FNDC3A: variants seen among roughly 807,000 people sequenced by gnomAD.
FNDC3A encodes fibronectin type III domain containing 3A, also known as fibronectin type-III domain-containing protein 3A.
FNDC3A carries 32 observed loss-of-function variants against 148.9 expected under a neutral mutation model. That is an observed-to-expected ratio of 0.21 (90% CI 0.16 to 0.29). The LOEUF (loss-of-function observed/expected upper bound fraction) is 0.29, where lower values mean the gene tolerates loss of function less well. Among genes scored for constraint, FNDC3A ranks in the 10% least tolerant of loss-of-function variants. FNDC3A has a pLI of 1.00. For synonymous variants in FNDC3A, 472 were observed against 473.6 expected, an observed-to-expected ratio of 1.00 and a Z score of 0.04; for missense variants, 1,191 against 1,452.8, an observed-to-expected ratio of 0.82 and a Z score of 2.93.
chr13:49,150,812 G>A (rs1883244669), intron 8 of FNDC3A, among the ~76,000 whole-genome samples: 1 of 151,774 alleles, frequency 6.6e-6, no homozygotes, highest in African/African-American at 2.4e-5. Flanking sequence ...AGGTGTGGTG[G>A]TGCACGCCTG....
intron 5 of FNDC3A, among the ~76,000 whole-genome samples, chr13:49,134,887 C>T (rs1227961567): frequency 2.8e-5 from 3 of 105,956 alleles, no homozygotes; most frequent in East Asian, 3.3e-4. Context: ...CTCGCTCTGT[C>T]GCCCAGGCTG....
chr13:49,117,157 A>G (rs1881023192), intron 4 of FNDC3A, among the ~76,000 whole-genome samples: 1 of 152,172 alleles, frequency 6.6e-6, no homozygotes, highest in African/African-American at 2.4e-5. Flanking sequence ...AAATTAGATA[A>G]TCATCCGAGT....
chr13:49,187,248 T>C, intron 16 of FNDC3A, 58 bp downstream of exon 16: 20 of 1,225,900 alleles, frequency 1.6e-5, no homozygotes, highest in Non-Finnish European at 2.4e-5. Flanking sequence ...TTCTATTCTT[T>C]ATGGCTTTAC....
intron 2 of FNDC3A, among the ~76,000 whole-genome samples, chr13:49,072,695 G>T (rs1261585082): frequency 6.6e-6 from 1 of 151,908 alleles, no homozygotes; most frequent in Non-Finnish European, 1.5e-5. Context: ...TATTGCCCAG[G>T]CTGGTCTCAA....
At chr13:49,009,937 C>T (rs1952302733) in intron 2 of FNDC3A, among the ~76,000 whole-genome samples, 2 of 152,318 alleles carry the variant, frequency 1.3e-5, no homozygotes, top group African/African-American at 4.8e-5. Context: ...ATTTTTATAA[C>T]TTCCCGTCTC....
intron 2 of FNDC3A, among the ~76,000 whole-genome samples, chr13:49,065,215 T>G (rs1428971127): frequency 1.3e-5 from 2 of 152,118 alleles, no homozygotes; most frequent in East Asian, 1.9e-4. Context: ...CAGGCAGCTC[T>G]CTCTCCCCAT....
intron 4 of FNDC3A, among the ~76,000 whole-genome samples, chr13:49,127,746 C>G (rs1881786862): frequency 2.6e-5 from 4 of 152,172 alleles, no homozygotes; most frequent in Admixed American, 2.6e-4. Flanking sequence ...ACTTGAAACT[C>G]CAAATCTCTT....
intron 2 of FNDC3A, among the ~76,000 whole-genome samples, chr13:49,065,125 G>A (rs1043797126): frequency 2.6e-5 from 4 of 152,172 alleles, no homozygotes; most frequent in African/African-American, 9.7e-5. Flanking sequence ...GGCAGTCTTT[G>A]CACTGGTCTT....
chr13:49,083,473 T>C (rs1258004469), intron 3 of FNDC3A, among the ~76,000 whole-genome samples: 1 of 152,114 alleles, frequency 6.6e-6, no homozygotes, highest in East Asian at 1.9e-4. Flanking sequence ...TGGTGGTGTA[T>C]GCTGGTTAGA....
At chr13:49,046,333 T>A (rs1467178289) in intron 2 of FNDC3A, 1 of 175,914 alleles carries the variant, frequency 5.7e-6, no homozygotes. Context: ...GGATTAAACA[T>A]CTTGAAACAA....
chr13:49,148,215 A>G (rs1165147013), intron 8 of FNDC3A, among the ~76,000 whole-genome samples: 1 of 151,810 alleles, frequency 6.6e-6, no homozygotes, highest in African/African-American at 2.4e-5. Flanking sequence ...CAAAAGTTTT[A>G]GTTTATTTCT....
intron 25 of FNDC3A, among the ~76,000 whole-genome samples, chr13:49,204,515 C>G (rs1886559822): frequency 6.6e-6 from 1 of 152,126 alleles, no homozygotes; most frequent in African/African-American, 2.4e-5. Flanking sequence ...ATCTGGCATG[C>G]AATTGTTTTT....
intron 25 of FNDC3A, among the ~76,000 whole-genome samples, chr13:49,206,656 T>C (rs1343366893): frequency 1.3e-5 from 2 of 152,212 alleles, no homozygotes; most frequent in Admixed American, 6.5e-5. Context: ...TGTACAGATA[T>C]GTTTGAAATT....
chr13:49,003,866 G>T lies in FNDC3A; in HGVS notation c.-39-2286G>T, dbSNP rs536819919. On this transcript the variant is annotated intron_variant, in intron 1 of 25. Transcript: ENST00000492622. The stretch of plus-strand genomic sequence containing the variant: ...TTTACAAGCTTCTACATAGAGCACT[G>T]ATCCAAACATTAATATTTCACATTA... Among the ~76,000 whole-genome samples, 3 of 152,144 alleles carry T rather than the reference G, an allele frequency of 2.0e-5. No individual in the cohort carries two copies. The South Asian group carries it at 6.2e-4, about 32-fold the overall frequency.
At chr13:49,095,431 C>T (rs1194651586) in intron 3 of FNDC3A, 1 of 152,002 alleles carries the variant, frequency 6.6e-6, no homozygotes, top group Non-Finnish European at 1.5e-5. Flanking sequence ...TAATTGATCA[C>T]ATCCCGTTAT....
intron 2 of FNDC3A, among the ~76,000 whole-genome samples, chr13:49,020,996 A>G (rs1005038503): frequency 2.0e-5 from 3 of 152,224 alleles, no homozygotes; most frequent in Admixed American, 6.5e-5. Context: ...AATTATCAGA[A>G]TAGTCAGGGT....
chr13:49,201,742 CT>C (rs1287281960), intron 23 of FNDC3A, 57 bp from the exon 24 acceptor site: 66 of 880,556 alleles, frequency 7.5e-5, no homozygotes, highest in Non-Finnish European at 9.9e-5. Context: ...TTGTAAAACA[CT>C]TTAATAAGGT....
chr13:49,179,571 A>AT (rs1005847864), intron 14 of FNDC3A, among the ~76,000 whole-genome samples: 6 of 151,968 alleles, frequency 3.9e-5, no homozygotes, highest in Non-Finnish European at 7.4e-5. Context: ...AAATTTTATC[A>AT]TTTTTTCTAC....
At chr13:49,124,530 A>G (rs1162947374) in intron 4 of FNDC3A, among the ~76,000 whole-genome samples, 4 of 152,148 alleles carry the variant, frequency 2.6e-5, no homozygotes, top group South Asian at 2.1e-4. Flanking sequence ...GAAGCAAACT[A>G]TTTGAAAAGA....
Sources: gnomAD v4.1 joint callset for allele counts (sites outside exome capture counted in the v4.1 genomes callset) on GRCh38, gnomAD v4.1.1 for gene constraint, MANE v1.5 for transcripts, NCBI Gene and HGNC (gene_info 2026-07-23, HGNC 2026-07-21) for gene names.